The following ZBBX variants were observed in gnomAD, a reference collection of about 807,000 sequenced individuals.
ZBBX encodes the protein zinc finger B-box domain-containing protein 1.
ZBBX carries 101 observed loss-of-function variants against 108.5 expected under a neutral mutation model. The ratio of observed to expected loss-of-function variants is 0.93; its 90% CI spans 0.79 to 1.10. The LOEUF (loss-of-function observed/expected upper bound fraction) is 1.10. Among genes scored for constraint, ZBBX ranks in the 50% least tolerant of loss-of-function variants. The pLI is 0.00. For missense variants in ZBBX, 1,009 were observed against 941.4 expected, an observed-to-expected ratio of 1.07 and a Z score of -0.94; for synonymous variants, 356 against 323.4, an observed-to-expected ratio of 1.10 and a Z score of -1.08.
chr3:167,360,575 T>C (rs1744343431), intron 7 of ZBBX, 100 bp downstream of exon 7: 1 of 661,836 alleles, frequency 1.5e-6, no homozygotes, highest in African/African-American at 1.9e-5. Flanking sequence ...AGAATCTTTA[T>C]ACTGCCCGGA....
intron 20 of ZBBX, among the ~76,000 whole-genome samples, chr3:167,265,445 G>C (rs1274601765): frequency 6.6e-6 from 1 of 152,138 alleles, no homozygotes; most frequent in Non-Finnish European, 1.5e-5. Context: ...TGGCTGAGCT[G>C]GTAGCCAAGA....
intron 20 of ZBBX, among the ~76,000 whole-genome samples, chr3:167,253,042 C>G (rs765117217): frequency 7.2e-5 from 11 of 152,008 alleles, no homozygotes; most frequent in Non-Finnish European, 1.6e-4. Context: ...ATAATTCAAG[C>G]AAGGTAAATG....
chr3:167,295,764 A>C (rs1731590895), intron 18 of ZBBX, among the ~76,000 whole-genome samples: 1 of 95,938 alleles, frequency 1.0e-5, no homozygotes, highest in Non-Finnish European at 2.1e-5. Flanking sequence ...TATATAAAAA[A>C]AACTAGTAAG....
chr3:167,282,409 G>A lies in ZBBX; in HGVS notation c.2083C>T (p.Pro695Ser), dbSNP rs751367746. ...TGAGCAGCTGCACTTCTTGATCGAG[G>A]ATGAGAGGATGAAAGGCAACTGGAG... is the stretch of plus-strand genomic sequence containing the variant. ...ESSSCLSSSH[P>S]RSRSAAAQSS... Residue 695 changes from proline to serine, a missense_variant, in exon 20 of 22, where the codon CCT (proline) becomes TCT (serine). Physicochemically the swap from Pro to Ser is moderately conservative, Grantham distance 74. Coordinates refer to ENST00000675490, the MANE Select transcript of ZBBX (RefSeq NM_001199201.2). The A allele has an allele frequency of 1.9e-6, 3 of 1,614,004 alleles. No homozygotes were observed. In the African/African-American group the frequency reaches 4.0e-5, roughly 22 times the overall value.
chr3:167,284,608 C>T lies in ZBBX; in HGVS notation c.1997-2113G>A, dbSNP rs186345303. ...GCCCTTCAGAAAATCTAGAAGAGTA[C>T]GAACACTAATAAGAACATTTGATTG... On this transcript the variant is annotated intron_variant, in intron 19 of 21. Transcript: ENST00000675490. Among the ~76,000 whole-genome samples the T allele has an allele frequency of 2.2e-3, 340 of 152,058 alleles. 1 individual carries two copies. Among genetic ancestry groups the T allele is most frequent in the Non-Finnish European group, 3.7e-3 (249 of 67,970 alleles).
At chr3:167,302,048 G>A (rs894975002) in intron 17 of ZBBX, among the ~76,000 whole-genome samples, 1 of 150,672 alleles carries the variant, frequency 6.6e-6, no homozygotes, top group African/African-American at 2.4e-5. Context: ...ATTGTATTAT[G>A]GTTGGAAAAC....
chr3:167,260,299 G>A (rs1308781627), intron 20 of ZBBX, among the ~76,000 whole-genome samples: 1 of 152,132 alleles, frequency 6.6e-6, no homozygotes, highest in Admixed American at 6.5e-5. Context: ...ATAACCTCAT[G>A]GAAATGTACC....
At chr3:167,190,355 C>T in the ZBBX span, among the ~76,000 whole-genome samples, 1 of 149,530 alleles carries the variant, frequency 6.7e-6, no homozygotes. Context: ...TAACATTTCT[C>T]TTAGGAACTA....
At chr3:167,397,164 A>AAAAAAAAAAAAC (rs1748265546) in intron 1 of ZBBX, among the ~76,000 whole-genome samples, 1 of 149,468 alleles carries the variant, frequency 6.7e-6, no homozygotes, top group Non-Finnish European at 1.5e-5. Flanking sequence ...AAAAAAAAAA[A>AAAAAAAAAAAAC]AATCTGACTC....
At chr3:167,345,244 G>T (rs1178542114) in intron 9 of ZBBX, among the ~76,000 whole-genome samples, 1 of 151,782 alleles carries the variant, frequency 6.6e-6, no homozygotes, top group Non-Finnish European at 1.5e-5. Flanking sequence ...ACAAAAAAGA[G>T]TCCTTCTCAC....
chr3:167,316,230 C>A (rs1163401081), intron 14 of ZBBX, among the ~76,000 whole-genome samples: 2 of 151,812 alleles, frequency 1.3e-5, no homozygotes, highest in Non-Finnish European at 2.9e-5. Context: ...TCAAATTTAT[C>A]CAGAGGAGAA....
chr3:167,361,376 C>A (rs78570687), intron 6 of ZBBX, among the ~76,000 whole-genome samples: 1 of 152,050 alleles, frequency 6.6e-6, no homozygotes, highest in African/African-American at 2.4e-5. Context: ...AACATGCTTG[C>A]CTTGATCTTA....
intron 9 of ZBBX, among the ~76,000 whole-genome samples, chr3:167,349,048 G>A (rs564017987): frequency 6.6e-6 from 1 of 152,114 alleles, no homozygotes; most frequent in South Asian, 2.1e-4. Context: ...AAGACAGGGA[G>A]GGAGAGAGAG....
upstream of ZBBX, among the ~76,000 whole-genome samples, chr3:167,383,728 A>G (rs921653836): frequency 4.6e-5 from 7 of 152,102 alleles, no homozygotes; most frequent in African/African-American, 1.7e-4. Flanking sequence ...AAATAAATGT[A>G]TAGCCTTGTT....
At chr3:167,340,773 T>G (rs1047950406) in intron 9 of ZBBX, among the ~76,000 whole-genome samples, 1 of 151,776 alleles carries the variant, frequency 6.6e-6, no homozygotes, top group African/African-American at 2.4e-5. Context: ...GGGAAGAAAT[T>G]TGTATATAGA....
the ZBBX span, among the ~76,000 whole-genome samples, chr3:167,191,230 G>A: frequency 1.3e-5 from 2 of 152,178 alleles, no homozygotes; most frequent in African/African-American, 4.8e-5. Flanking sequence ...CAGGGCACAG[G>A]CAATGTGTGT....
In ZBBX at chr3:167,373,008, A is replaced by G. The variant is rs1169710072; in HGVS notation, c.-49-58T>C. The G allele has an allele frequency of 6.5e-6, 5 of 767,690 alleles. No individual in the cohort carries two copies. The East Asian group carries it at 1.4e-4, about 21-fold the overall frequency. 47.6% of individuals were successfully genotyped at this position (767,690 alleles called of 1,614,324 possible). The stretch of plus-strand genomic sequence containing the variant: ...CAGAGGTGAAGCAGTATAAGTTACA[A>G]ATTCAAAACTCCATATAATTCAGGA... On this transcript the variant is annotated intron_variant, in intron 3 of 21. Coordinates refer to ENST00000675490, the MANE Select transcript of ZBBX (RefSeq NM_001199201.2).
intron 18 of ZBBX, among the ~76,000 whole-genome samples, chr3:167,290,591 G>A (rs1730508155): frequency 6.6e-6 from 1 of 152,154 alleles, no homozygotes; most frequent in Non-Finnish European, 1.5e-5. Context: ...AATTCACGAA[G>A]ATGGGGAGAA....
chr3:167,288,503 A>G (rs958594349), intron 19 of ZBBX, among the ~76,000 whole-genome samples: 3 of 152,202 alleles, frequency 2.0e-5, no homozygotes, highest in African/African-American at 7.2e-5. Context: ...ATATATATCA[A>G]GTGAAAGAGT....
Sources: gnomAD v4.1 joint callset for allele counts (sites outside exome capture counted in the v4.1 genomes callset) on GRCh38, gnomAD v4.1.1 for gene constraint, MANE v1.5 for transcripts, NCBI Gene and HGNC (gene_info 2026-07-23, HGNC 2026-07-21) for gene names.